The following C1QTNF3 variants were observed in gnomAD, a reference collection of about 807,000 sequenced individuals.
C1QTNF3 encodes complement C1q tumor necrosis factor-related protein 3.
Under a neutral mutation model 32.6 loss-of-function variants are expected in C1QTNF3, and 26 were observed. The ratio of observed to expected loss-of-function variants is 0.80; its 90% confidence interval spans 0.58 to 1.11. The LOEUF (loss-of-function observed/expected upper bound fraction) is 1.11. Ranked by LOEUF, C1QTNF3 falls within the 50% of genes least tolerant of loss-of-function variation. The pLI is 0.00. For missense variants in C1QTNF3, 362 were observed against 398.2 expected, an observed-to-expected ratio of 0.91 and a Z score of 0.77; for synonymous variants, 155 against 146.0, an observed-to-expected ratio of 1.06 and a Z score of -0.44.
the C1QTNF3 span, chr5:34,218,241 C>T: frequency 1.3e-5 from 2 of 152,118 alleles, no homozygotes; most frequent in Admixed American, 6.6e-5. Context: ...TCAATAGAAT[C>T]ATAGCAGAAG....
the C1QTNF3 span, among the ~76,000 whole-genome samples, chr5:34,114,922 G>A: frequency 0.68 from 103,343 of 151,880 alleles, 35,761 homozygotes; most frequent in African/African-American, 0.79. Context: ...GCAGTTTCTG[G>A]TCCCATTAAT....
chr5:34,133,582 T>C, the C1QTNF3 span, among the ~76,000 whole-genome samples: 1 of 152,162 alleles, frequency 6.6e-6, no homozygotes, highest in African/African-American at 2.4e-5. Flanking sequence ...GATTCCAGAA[T>C]GTGTCTGAGA....
the C1QTNF3 span, chr5:34,167,777 A>G: frequency 1.3e-5 from 2 of 152,192 alleles, no homozygotes; most frequent in African/African-American, 4.8e-5. Flanking sequence ...AATATAATGA[A>G]GTGGTTACTT....
the C1QTNF3 span, among the ~76,000 whole-genome samples, chr5:34,175,131 A>T: frequency 1.8e-3 from 262 of 147,550 alleles, 1 homozygote; most frequent in African/African-American, 4.4e-3. Context: ...GCAGCCTCCA[A>T]CTCCTGTGCT....
the C1QTNF3 span, among the ~76,000 whole-genome samples, chr5:34,120,032 T>A: frequency 6.6e-6 from 1 of 152,194 alleles, no homozygotes; most frequent in Non-Finnish European, 1.5e-5. Flanking sequence ...AACAGAAACA[T>A]CGGTATTTGA....
chr5:34,176,448 C>A, the C1QTNF3 span, among the ~76,000 whole-genome samples: 2 of 150,796 alleles, frequency 1.3e-5, no homozygotes, highest in African/African-American at 2.4e-5. Flanking sequence ...ATGATGTAAC[C>A]CAGAATTAAA....
chr5:34,164,041 G>C, the C1QTNF3 span, among the ~76,000 whole-genome samples: 4 of 152,256 alleles, frequency 2.6e-5, no homozygotes, highest in Admixed American at 2.6e-4. Flanking sequence ...CTTAACATCT[G>C]CCTATATTAC....
chr5:34,040,857 A>C (rs919309), intron 1 of C1QTNF3, among the ~76,000 whole-genome samples: 126,894 of 151,384 alleles, frequency 0.84, 53,358 homozygotes, highest in African/African-American at 0.87. Flanking sequence ...TTCTTTTAAT[A>C]CCATCTTTTA....
At chr5:34,167,087 G>A in the C1QTNF3 span, 1 of 151,992 alleles carries the variant, frequency 6.6e-6, no homozygotes, top group East Asian at 1.9e-4. Flanking sequence ...TTTCACTGGG[G>A]TCTATTGTTC....
chr5:34,048,519 G>T, the C1QTNF3 span, among the ~76,000 whole-genome samples: 1 of 152,136 alleles, frequency 6.6e-6, no homozygotes, highest in Non-Finnish European at 1.5e-5. Flanking sequence ...TTAGAAGCTG[G>T]AAGAAGGGAC....
chr5:34,141,019 T>C, the C1QTNF3 span, among the ~76,000 whole-genome samples: 1 of 152,232 alleles, frequency 6.6e-6, no homozygotes, highest in Non-Finnish European at 1.5e-5. Context: ...AGGACTGGCA[T>C]GACAAAGTAT....
the C1QTNF3 span, among the ~76,000 whole-genome samples, chr5:34,114,609 A>G: frequency 2.0e-5 from 3 of 152,064 alleles, no homozygotes; most frequent in African/African-American, 7.2e-5. Flanking sequence ...ATTTTGACAG[A>G]TCATTTTACT....
chr5:34,143,842 G>A, the C1QTNF3 span, among the ~76,000 whole-genome samples: 3 of 152,068 alleles, frequency 2.0e-5, no homozygotes, highest in African/African-American at 7.2e-5. Flanking sequence ...TAAGCACATA[G>A]CCCGCAGACA....
the C1QTNF3 span, among the ~76,000 whole-genome samples, chr5:34,049,465 C>T: frequency 6.6e-6 from 1 of 152,204 alleles, no homozygotes; most frequent in Non-Finnish European, 1.5e-5. Flanking sequence ...TGATCCAGAT[C>T]ATGAAGAAGC....
At chr5:34,023,781 G>A (rs917294041) in intron 5 of C1QTNF3, 128 bp downstream of exon 5, 1 of 612,214 alleles carries the variant, frequency 1.6e-6, no homozygotes, top group Non-Finnish European at 2.9e-6. Context: ...ACTGGTGCAT[G>A]AGGGCTCTTA....
the C1QTNF3 span, among the ~76,000 whole-genome samples, chr5:34,065,840 A>G: frequency 6.6e-6 from 1 of 152,186 alleles, no homozygotes; most frequent in Admixed American, 6.5e-5. Flanking sequence ...ATTACTGAGT[A>G]TGGAAAACAG....
chr5:34,147,871 G>A, the C1QTNF3 span, among the ~76,000 whole-genome samples: 1 of 152,170 alleles, frequency 6.6e-6, no homozygotes, highest in African/African-American at 2.4e-5. Flanking sequence ...GGCCGAATAG[G>A]AACAGCTCCG....
At chr5:34,165,006 A>G in the C1QTNF3 span, 21 of 152,158 alleles carry the variant, frequency 1.4e-4, no homozygotes, top group Non-Finnish European at 2.9e-4. Context: ...CCCACCCTCA[A>G]TGCGGGTGGG....
the C1QTNF3 span, among the ~76,000 whole-genome samples, chr5:34,129,300 A>C: frequency 6.6e-6 from 1 of 152,150 alleles, no homozygotes. Context: ...GACTAATACA[A>C]AGACATTATG....
Sources: allele counts gnomAD v4.1 joint callset (sites outside exome capture counted in the v4.1 genomes callset), GRCh38; gene constraint gnomAD v4.1.1; transcripts MANE v1.5; gene names NCBI Gene and HGNC (gene_info 2026-07-23, HGNC 2026-07-21).